ANKRD46: variants seen among roughly 807,000 people sequenced by gnomAD.
ANKRD46 encodes the protein ankyrin repeat domain-containing protein 46.
In ANKRD46, 13 loss-of-function variants were observed where a neutral mutation model predicts 19.8. The ratio of observed to expected loss-of-function variants is 0.66; its 90% CI spans 0.43 to 1.04. The LOEUF (loss-of-function observed/expected upper bound fraction) is 1.04. Among genes scored for constraint, ANKRD46 ranks in the 50% least tolerant of loss-of-function variants. The pLI, the probability that ANKRD46 is intolerant of heterozygous loss-of-function variation, is 0.00. For synonymous variants in ANKRD46, 91 were observed against 106.9 expected, an observed-to-expected ratio of 0.85 and a Z score of 0.92; for missense variants, 185 against 274.8, an observed-to-expected ratio of 0.67 and a Z score of 2.31.
At position 100,532,814 on chromosome 8, in the gene ANKRD46, G is replaced by C. The variant is rs16898529; in HGVS notation, c.-28+395C>G. ...AGTATTGAATCATAAAAATGGAAAA[G>C]CTATCATAAACCTTTTTCAAAATGA... On this transcript the variant is annotated intron_variant, in intron 2 of 4. Transcript: ENST00000335659. This position sits in a 1 kb window ranked among gnomAD's most constrained non-coding sequence, Gnocchi z 4.7. Among the ~76,000 whole-genome samples, 1,116 of 152,258 alleles carry C rather than the reference G, an allele frequency of 7.3e-3. 18 individuals carry two copies. The highest frequency in any genetic ancestry group is 0.026 in the African/African-American group (1,066 of 41,512).
intron 5 of ANKRD46, among the ~76,000 whole-genome samples, chr8:100,515,203 A>C (rs1811610012): frequency 6.6e-6 from 1 of 152,206 alleles, no homozygotes; most frequent in Non-Finnish European, 1.5e-5. Flanking sequence ...AATCAAAAGT[A>C]TGCAGCGGAC....
rs1185010959 is a variant in ANKRD46 at position 100,525,971 on chromosome 8, G to T, written c.470+1874C>A. Among the ~76,000 whole-genome samples, 1 of 152,134 alleles carries T rather than the reference G, an allele frequency of 6.6e-6. No homozygotes were observed. Among genetic ancestry groups the T allele is most frequent in the Non-Finnish European group, 1.5e-5 (1 of 68,026 alleles). ...TGGCATTTCACTATGGTCCTCATTT[G>T]CATTTTCCTAATGACATTACCTTTC... On this transcript the variant is annotated intron_variant, in intron 4 of 4. Coordinates refer to ENST00000335659, the MANE Select transcript of ANKRD46 (RefSeq NM_001270377.2). This position sits in a 1 kb window ranked among gnomAD's most constrained non-coding sequence, Gnocchi z 4.4.
rs1409875500 is a variant in ANKRD46, at chr8:100,544,377, C to T, written c.-130-11066G>A. Among the ~76,000 whole-genome samples the T allele has an allele frequency of 6.6e-6, 1 of 152,194 alleles. No individual in the cohort carries two copies. The highest frequency in any genetic ancestry group is 1.5e-5 in the Non-Finnish European group (1 of 68,040). The stretch of plus-strand genomic sequence containing the variant: ...CAATTGGAGAAAAGACTATAATCAA[C>T]ATCTAGAAAGAAGTGAGCATTGGAT... On this transcript the variant is annotated intron_variant, in intron 1 of 4. Coordinates refer to ENST00000335659, the MANE Select transcript of ANKRD46 (RefSeq NM_001270377.2). This position sits in a 1 kb window ranked among gnomAD's most constrained non-coding sequence, Gnocchi z 4.4.
chr8:100,531,895 G>C (rs1811970200), intron 2 of ANKRD46, among the ~76,000 whole-genome samples: 1 of 152,196 alleles, frequency 6.6e-6, no homozygotes, highest in East Asian at 1.9e-4. Context: ...CTGGATTGTA[G>C]AGACAAAGAC....
chr8:100,522,898 CACACACAT>C (rs781495158), intron 4 of ANKRD46, 127 bp from the exon 5 acceptor site: 44 of 519,040 alleles, frequency 8.5e-5, no homozygotes, highest in African/African-American at 4.3e-4. Context: ...CACACACACA[CACACACAT>C]ATATATATAT....
chr8:100,550,889 T>C lies in ANKRD46; in HGVS notation c.-131+8822A>G. On this transcript the variant is annotated intron_variant, in intron 1 of 4. Coordinates refer to ENST00000335659, the MANE Select transcript of ANKRD46 (RefSeq NM_001270377.2). The surrounding 1 kb of genome is among the most constrained non-coding windows in gnomAD (Gnocchi z 4.4). ...TAAAGTCAGAGGAAACAACCTGGTGTTCAGTGTAGCCCAAGATGCCCTTGA... is the reference window on the plus strand; with the variant it reads ...TAAAGTCAGAGGAAACAACCTGGTGCTCAGTGTAGCCCAAGATGCCCTTGA... 1.8e-6 allele frequency: 1 copy of C among 551,292 alleles called. No homozygotes were observed. Among genetic ancestry groups the C allele is most frequent in the Non-Finnish European group, 3.4e-6 (1 of 291,100 alleles). 34.2% of individuals were successfully genotyped at this position (551,292 alleles called of 1,614,324 possible).
Position 100,537,084 on chromosome 8 carries a change from T to C in ANKRD46, c.-130-3773A>G, listed in dbSNP as rs1407686012. Among the ~76,000 whole-genome samples, 3 of 152,220 alleles carry C rather than the reference T, an allele frequency of 2.0e-5. No individual in the cohort carries two copies. Among genetic ancestry groups the C allele is most frequent in the African/African-American group, 7.2e-5 (3 of 41,454 alleles). On this transcript the variant is annotated intron_variant, in intron 1 of 4. Coordinates refer to ENST00000335659, the MANE Select transcript of ANKRD46 (RefSeq NM_001270377.2). The surrounding 1 kb of genome is among the most constrained non-coding windows in gnomAD (Gnocchi z 4.2). ...AAGTCATGCCTAATTTTCTTTTATA[T>C]CTCAAATTTTGGATCCACAATCTTA...
downstream of ANKRD46, among the ~76,000 whole-genome samples, chr8:100,517,828 A>G (rs991079097): frequency 6.6e-6 from 1 of 152,194 alleles, no homozygotes; most frequent in African/African-American, 2.4e-5. Flanking sequence ...CAAATGTTCT[A>G]TTAACTTTGG....
In ANKRD46 at chr8:100,546,722, C is replaced by T. The variant is rs1455610780; in HGVS notation, c.-131+12989G>A. The stretch of plus-strand genomic sequence containing the variant: ...GAAAAGTAGATCCACTGACAGCTTG[C>T]ACCATGCATCTGGAAAAGCCACAAG... On this transcript the variant is annotated intron_variant, in intron 1 of 4. Transcript: ENST00000335659. This position sits in a 1 kb window ranked among gnomAD's most constrained non-coding sequence, Gnocchi z 4.0. 6.6e-6 allele frequency among the ~76,000 whole-genome samples: 1 copy of T among 152,204 alleles called. No homozygotes were observed. The highest frequency in any genetic ancestry group is 1.5e-5 in the Non-Finnish European group (1 of 68,042).
At position 100,543,238 on chromosome 8, in the gene ANKRD46, T is replaced by C. The variant is rs928834793; in HGVS notation, c.-130-9927A>G. Among the ~76,000 whole-genome samples, 1 of 152,212 alleles carries C rather than the reference T, an allele frequency of 6.6e-6. No homozygotes were observed. Among genetic ancestry groups the C allele is most frequent in the African/African-American group, 2.4e-5 (1 of 41,458 alleles). ...CTTTAATAAACAGGCTTTGTTTGTT[T>C]AGACACTGTCAATTAAAACTGATTC... On this transcript the variant is annotated intron_variant, in intron 1 of 4. Transcript: ENST00000335659. The surrounding 1 kb of genome is among the most constrained non-coding windows in gnomAD (Gnocchi z 4.2).
chr8:100,520,698 T>C (rs1325667323), downstream of ANKRD46: 23 of 687,570 alleles, frequency 3.3e-5, no homozygotes, highest in Non-Finnish European at 3.9e-5. Flanking sequence ...AAGCAGCTAA[T>C]TGCAATCCAT....
intron 1 of ANKRD46, chr8:100,556,995 C>T (rs1812513654): frequency 6.6e-6 from 1 of 152,064 alleles, no homozygotes; most frequent in Non-Finnish European, 1.5e-5. Context: ...AATCTTTTGG[C>T]TTTCCTGGGC....
chr8:100,540,215 A>C (rs1299464431), intron 1 of ANKRD46, among the ~76,000 whole-genome samples: 1 of 152,154 alleles, frequency 6.6e-6, no homozygotes, highest in Non-Finnish European at 1.5e-5. Flanking sequence ...AAAGTCACTA[A>C]GTTTGTTTCA....
chr8:100,520,469 T>G (rs1280844607), downstream of ANKRD46, among the ~76,000 whole-genome samples: 1 of 152,148 alleles, frequency 6.6e-6, no homozygotes, highest in Non-Finnish European at 1.5e-5. Context: ...TTTTCTCATC[T>G]TATAAACTGG....
Position 100,536,114 on chromosome 8 carries a change from G to A in ANKRD46, c.-130-2803C>T, listed in dbSNP as rs1156563495. Among the ~76,000 whole-genome samples, 2 of 152,094 alleles carry A rather than the reference G, an allele frequency of 1.3e-5. No homozygotes were observed. The highest frequency in any genetic ancestry group is 2.4e-5 in the African/African-American group (1 of 41,406). ...GATGTACTGGCATTTACCAAAGGGA[G>A]TGTTTAATAAGAACCATTCTTCAAA... is the stretch of plus-strand genomic sequence containing the variant. On this transcript the variant is annotated intron_variant, in intron 1 of 4. Transcript: ENST00000335659. The surrounding 1 kb of genome is among the most constrained non-coding windows in gnomAD (Gnocchi z 4.9).
downstream of ANKRD46, among the ~76,000 whole-genome samples, chr8:100,517,288 A>G (rs1811650239): frequency 6.6e-6 from 1 of 152,226 alleles, no homozygotes; most frequent in Non-Finnish European, 1.5e-5. Flanking sequence ...TTGCTGCCCA[A>G]GAGTACCAGA....
rs1439019815 is a variant in ANKRD46 at position 100,557,201 on chromosome 8, G to A, written c.-131+2510C>T. ...CCGTCTCTATAACCCCACTTGAACA[G>A]GCATCTCAAACCTGACTAAAACTGG... is the stretch of plus-strand genomic sequence containing the variant. On this transcript the variant is annotated intron_variant, in intron 1 of 4. Coordinates refer to ENST00000335659, the MANE Select transcript of ANKRD46 (RefSeq NM_001270377.2). The surrounding 1 kb of genome is among the most constrained non-coding windows in gnomAD (Gnocchi z 5.9). 6.6e-6 allele frequency among the ~76,000 whole-genome samples: 1 copy of A among 152,172 alleles called. No homozygotes were observed. The highest frequency in any genetic ancestry group is 2.4e-5 in the African/African-American group (1 of 41,426).
intron 1 of ANKRD46, among the ~76,000 whole-genome samples, chr8:100,547,316 T>G (rs1812292532): frequency 6.6e-6 from 1 of 152,146 alleles, no homozygotes; most frequent in Non-Finnish European, 1.5e-5. Flanking sequence ...TTCATGATAC[T>G]GAAGGAGTTC....
At chr8:100,551,674 A>C in intron 1 of ANKRD46, 1 of 648,042 alleles carries the variant, frequency 1.5e-6, no homozygotes, top group African/African-American at 1.8e-5. Flanking sequence ...GGTGCCCAAT[A>C]TGGCCCAAAT....
Sources: gnomAD v4.1 joint callset for allele counts (sites outside exome capture counted in the v4.1 genomes callset) on GRCh38, gnomAD v4.1.1 for gene constraint, Gnocchi (gnomAD v3.1) non-coding constraint, MANE v1.5 for transcripts, NCBI Gene and HGNC (gene_info 2026-07-23, HGNC 2026-07-21) for gene names.